The following ARAP2 variants were observed in gnomAD, a reference collection of about 807,000 sequenced individuals.
ARAP2 encodes the protein ArfGAP with RhoGAP domain, ankyrin repeat and PH domain 2, also known as arf-GAP with Rho-GAP domain, ANK repeat and PH domain-containing protein 2.
A neutral mutation model predicts 194.5 loss-of-function variants in ARAP2; 148 were observed. The observed-to-expected ratio is 0.76, with a 90% CI of 0.67 to 0.87. ARAP2 has a LOEUF of 0.87. ARAP2 is among the 40% of genes least tolerant of loss of function. The pLI is 0.00. For synonymous variants in ARAP2, 695 were observed against 683.5 expected (o/e 1.02, Z -0.26); for missense variants, 2,128 against 1,989.7 (o/e 1.07, Z -1.32).
At chr4:36,074,600 T>C (rs1197418329) in intron 31 of ARAP2, among the ~76,000 whole-genome samples, 2 of 152,010 alleles carry the variant, frequency 1.3e-5, no homozygotes, top group East Asian at 1.9e-4. Flanking sequence ...TTGGAAAAAG[T>C]ATATTGATTT....
intron 2 of ARAP2, among the ~76,000 whole-genome samples, chr4:36,220,203 T>G (rs1039767660): frequency 6.6e-6 from 1 of 151,958 alleles, no homozygotes; most frequent in African/African-American, 2.4e-5. Context: ...GCCAGATAGG[T>G]CTCAGATTTT....
chr4:36,181,907 C>T (rs1739364070), intron 8 of ARAP2, among the ~76,000 whole-genome samples: 1 of 151,960 alleles, frequency 6.6e-6, no homozygotes, highest in Non-Finnish European at 1.5e-5. Context: ...GTACAGGATA[C>T]ATAAGAAGCC....
At chr4:36,137,461 T>G (rs1424352972) in intron 19 of ARAP2, among the ~76,000 whole-genome samples, 1 of 151,868 alleles carries the variant, frequency 6.6e-6, no homozygotes, top group Non-Finnish European at 1.5e-5. Context: ...AGAAAACTCA[T>G]GGACATTTTG....
intron 2 of ARAP2, among the ~76,000 whole-genome samples, chr4:36,225,876 A>C (rs1215747120): frequency 6.6e-6 from 1 of 152,196 alleles, no homozygotes; most frequent in African/African-American, 2.4e-5. Flanking sequence ...TTGCAGGTTC[A>C]ATATCAATGA....
At chr4:36,023,176 C>T (rs771830733) in intron 5 of ARAP2, among the ~76,000 whole-genome samples, 2 of 152,132 alleles carry the variant, frequency 1.3e-5, no homozygotes, top group Non-Finnish European at 2.9e-5. Context: ...AACTAGGCTG[C>T]CTGTGATTCA....
At chr4:36,200,232 TC>T (rs1744081457) in intron 6 of ARAP2, among the ~76,000 whole-genome samples, 1 of 29,834 alleles carries the variant, frequency 3.4e-5, no homozygotes, top group Non-Finnish European at 7.6e-5. Flanking sequence ...TCAGCACTAT[TC>T]CCTTTTTTTA....
At chr4:36,095,860 T>C (rs1715025293) in intron 27 of ARAP2, among the ~76,000 whole-genome samples, 1 of 152,130 alleles carries the variant, frequency 6.6e-6, no homozygotes, top group Non-Finnish European at 1.5e-5. Context: ...GTCATTATGC[T>C]GTCAGCTTCT....
intron 28 of ARAP2, among the ~76,000 whole-genome samples, chr4:36,090,435 G>C (rs145468218): frequency 6.6e-6 from 1 of 152,072 alleles, no homozygotes; most frequent in East Asian, 1.9e-4. Flanking sequence ...ACCAAAACCT[G>C]ACAGAGATAC....
At chr4:36,072,996 T>A (rs1402611431) in intron 32 of ARAP2, among the ~76,000 whole-genome samples, 1 of 152,172 alleles carries the variant, frequency 6.6e-6, no homozygotes, top group Non-Finnish European at 1.5e-5. Context: ...AAGGAAGATA[T>A]AAGAACACCT....
chr4:36,178,716 AG>A (rs1738539854), intron 8 of ARAP2, among the ~76,000 whole-genome samples: 1 of 152,228 alleles, frequency 6.6e-6, no homozygotes, highest in Non-Finnish European at 1.5e-5. Flanking sequence ...GGAACACAGT[AG>A]TATAAACGTC....
intron 5 of ARAP2, among the ~76,000 whole-genome samples, chr4:36,020,221 G>A (rs2109336828): frequency 2.0e-5 from 3 of 152,260 alleles, no homozygotes; most frequent in Middle Eastern, 6.8e-3. Flanking sequence ...AACCAGCCTG[G>A]TCAACATGGT....
chr4:36,061,352 C>A (rs1335877365), downstream of ARAP2, among the ~76,000 whole-genome samples: 7 of 152,134 alleles, frequency 4.6e-5, no homozygotes, highest in Admixed American at 1.3e-4. Flanking sequence ...ATCCCACCAC[C>A]CTCTCACTAC....
chr4:36,029,000 C>G (rs1417509786), intron 5 of ARAP2, among the ~76,000 whole-genome samples: 2 of 151,878 alleles, frequency 1.3e-5, no homozygotes, highest in Non-Finnish European at 2.9e-5. Flanking sequence ...TTATTTCATA[C>G]TGAATATATA....
intron 9 of ARAP2, among the ~76,000 whole-genome samples, chr4:36,168,192 T>G (rs1314080363): frequency 6.6e-6 from 1 of 152,118 alleles, no homozygotes; most frequent in East Asian, 1.9e-4. Flanking sequence ...TTCAATCAAA[T>G]TTAAGCAACT....
At chr4:36,220,191 A>G (rs891246739) in intron 2 of ARAP2, among the ~76,000 whole-genome samples, 4 of 152,148 alleles carry the variant, frequency 2.6e-5, no homozygotes, top group Non-Finnish European at 5.9e-5. Context: ...CATTTACAAT[A>G]TGCCAGATAG....
intron 2 of ARAP2, among the ~76,000 whole-genome samples, chr4:36,228,323 T>C (rs761667046): frequency 6.6e-6 from 1 of 152,152 alleles, no homozygotes; most frequent in Non-Finnish European, 1.5e-5. Flanking sequence ...TGGAAAGGAA[T>C]ATCCAGGTAG....
chr4:36,027,110 C>T (rs1197723810), intron 5 of ARAP2, among the ~76,000 whole-genome samples: 2 of 152,124 alleles, frequency 1.3e-5, no homozygotes, highest in African/African-American at 2.4e-5. Context: ...CTCAGATTTT[C>T]GTGGATAATG....
chr4:36,151,837 T>C (rs535658594), intron 15 of ARAP2, among the ~76,000 whole-genome samples: 1 of 152,198 alleles, frequency 6.6e-6, no homozygotes, highest in East Asian at 1.9e-4. Context: ...TATATACACA[T>C]ACTCAGAAAG....
intron 17 of ARAP2, 35 bp from the exon 18 acceptor site, chr4:36,147,781 G>T: frequency 6.6e-7 from 1 of 1,511,008 alleles, no homozygotes; most frequent in Non-Finnish European, 8.9e-7. Flanking sequence ...AATAAAGACA[G>T]TGAAAATAGG....
Sources: allele counts gnomAD v4.1 joint callset (sites outside exome capture counted in the v4.1 genomes callset), GRCh38; gene constraint gnomAD v4.1.1; transcripts MANE v1.5; gene names NCBI Gene and HGNC (gene_info 2026-07-23, HGNC 2026-07-21).